Variants in GOLT1A observed in about 807,000 individuals in gnomAD.
GOLT1A encodes the protein vesicle transport protein GOT1A.
A neutral mutation model predicts 16.1 loss-of-function variants in GOLT1A; 10 were observed. The observed-to-expected ratio is 0.62, with a 90% CI of 0.38 to 1.05. GOLT1A has a LOEUF of 1.05. Ranked by LOEUF, GOLT1A falls within the 50% of genes least tolerant of loss-of-function variation. The pLI is 0.01. For missense variants in GOLT1A, 137 were observed against 165.7 expected (o/e 0.83, Z 0.95); for synonymous variants, 60 against 67.9 (o/e 0.88, Z 0.57).
At chr1:204,209,390 C>A (rs1004639968) in intron 1 of GOLT1A, among the ~76,000 whole-genome samples, 32 of 152,310 alleles carry the variant, frequency 2.1e-4, no homozygotes, top group African/African-American at 7.2e-4. Flanking sequence ...CTAGTGTGAA[C>A]ACCCTTCTCA....
rs557049527 is a variant in GOLT1A, at chr1:204,213,778, C to T, written c.25+104G>A. The T allele has an allele frequency of 3.0e-6, 4 of 1,342,412 alleles. No homozygotes were observed. In the South Asian group the frequency reaches 5.1e-5, roughly 17 times the overall value. 83.2% of individuals were successfully genotyped at this position (1,342,412 alleles called of 1,614,324 possible). A position where few individuals can be genotyped will look rare whatever the true frequency, so the allele number is the denominator to read the frequency against. On this transcript the variant is annotated intron_variant, in intron 1 of 4. Coordinates refer to ENST00000308302, the MANE Select transcript of GOLT1A (RefSeq NM_198447.2). ...CACAGCATCTCCCAGCCCCTGGCTC[C>T]AGAGGTCACGCTTGTAGTGACAGAG...
chr1:204,198,647 G>A, intron 4 of GOLT1A, 151 bp from the exon 5 acceptor site: 1 of 691,034 alleles, frequency 1.4e-6, no homozygotes, highest in Non-Finnish European at 2.5e-6. Context: ...CGGTTGTGGT[G>A]GGGTGCTGGC....
intron 1 of GOLT1A, among the ~76,000 whole-genome samples, chr1:204,211,719 C>A (rs1571679701): frequency 6.6e-6 from 1 of 152,152 alleles, no homozygotes. Context: ...TGATTCTCAA[C>A]TGGGCTGAGG....
chr1:204,198,607 A>G (rs1425909418), intron 4 of GOLT1A, 111 bp from the exon 5 acceptor site: 1 of 1,007,606 alleles, frequency 9.9e-7, no homozygotes, highest in Non-Finnish European at 1.5e-6. Flanking sequence ...CGCAGATACG[A>G]GAGGGGCTGT....
intron 3 of GOLT1A, among the ~76,000 whole-genome samples, chr1:204,201,206 G>A (rs144869652): frequency 6.6e-6 from 1 of 152,332 alleles, no homozygotes; most frequent in East Asian, 1.9e-4. Context: ...TGAGACTTTG[G>A]GCCGGGGGCA....
At position 204,202,918 on chromosome 1, in the gene GOLT1A, G is replaced by C. The variant is rs769532408; in HGVS notation, c.95C>G (p.Ser32Cys). Residue 32 changes from serine to cysteine, a missense_variant, in exon 2 of 5, where the codon TCC becomes TGC. Physicochemically the swap from Ser to Cys is moderately radical, Grantham distance 112. Transcript: ENST00000308302. ...ILFGTLLYFD[S>C]VLLAFGNLLF... is the part of the protein sequence containing the mutation. ...CACGTTTCCAAAGGCCAGGAGCACG[G>C]AATCAAAGTACAGGAGTGTTCCAAA... 2.5e-6 allele frequency: 4 copies of C among 1,614,078 alleles called. No homozygotes were observed. The South Asian group carries it at 4.4e-5, about 18-fold the overall frequency.
chr1:204,198,219 G>C lies in GOLT1A; in HGVS notation c.*239C>G. 1 of 527,266 alleles carries C rather than the reference G, an allele frequency of 1.9e-6. No homozygotes were observed. Among genetic ancestry groups the C allele is most frequent in the Non-Finnish European group, 3.3e-6 (1 of 299,030 alleles). 32.7% of individuals were successfully genotyped at this position (527,266 alleles called of 1,614,324 possible). Reference sequence around the variant, plus strand: ...TTTTCCTCCCATAAATATAGAGTGAGGGTGTGATACCAGCCCCAGCCCAGT... The same window carrying C: ...TTTTCCTCCCATAAATATAGAGTGACGGTGTGATACCAGCCCCAGCCCAGT... On this transcript the variant is annotated 3_prime_UTR_variant, in exon 5 of 5. Coordinates refer to ENST00000308302, the MANE Select transcript of GOLT1A (RefSeq NM_198447.2).
chr1:204,207,987 C>CA (rs1158642423), intron 1 of GOLT1A, among the ~76,000 whole-genome samples: 1 of 152,062 alleles, frequency 6.6e-6, no homozygotes, highest in Non-Finnish European at 1.5e-5. Flanking sequence ...TGGCCATAAT[C>CA]AAAAAACAAA....
At chr1:204,208,478 A>G (rs12755590) in intron 1 of GOLT1A, among the ~76,000 whole-genome samples, 18,406 of 46,932 alleles carry the variant, frequency 0.39, 2,706 homozygotes, top group East Asian at 0.54. Context: ...GTGTGTGTGT[A>G]TATATATATA....
At chr1:204,203,865 C>G (rs984655671) in intron 1 of GOLT1A, among the ~76,000 whole-genome samples, 1 of 152,062 alleles carries the variant, frequency 6.6e-6, no homozygotes. Context: ...TTGTAAGTGT[C>G]TCAGGGCATT....
chr1:204,205,901 C>T (rs1480089141), intron 1 of GOLT1A, among the ~76,000 whole-genome samples: 1 of 152,140 alleles, frequency 6.6e-6, no homozygotes, highest in Non-Finnish European at 1.5e-5. Context: ...GAAACCCCGT[C>T]TCTACTAAAA....
At chr1:204,203,911 G>A (rs930498310) in intron 1 of GOLT1A, among the ~76,000 whole-genome samples, 7 of 152,176 alleles carry the variant, frequency 4.6e-5, no homozygotes, top group Admixed American at 3.9e-4. Context: ...GAGCCAGCAA[G>A]CGTAGCCTAG....
intron 1 of GOLT1A, among the ~76,000 whole-genome samples, chr1:204,207,047 C>T (rs12092150): frequency 6.6e-6 from 1 of 152,234 alleles, no homozygotes; most frequent in Non-Finnish European, 1.5e-5. Flanking sequence ...GTTTCTCACA[C>T]ACAAGCTTCA....
chr1:204,208,460 T>TTGTGTGTG (rs1283981328), intron 1 of GOLT1A, among the ~76,000 whole-genome samples: 40 of 55,770 alleles, frequency 7.2e-4, no homozygotes, highest in African/African-American at 2.5e-3. Context: ...ATATGTATAC[T>TTGTGTGTG]TGTGTGTGTG....
chr1:204,201,345 C>G (rs1658953749), intron 3 of GOLT1A, among the ~76,000 whole-genome samples: 1 of 152,200 alleles, frequency 6.6e-6, no homozygotes, highest in African/African-American at 2.4e-5. Flanking sequence ...TCCTCTCCGG[C>G]TGGATCACTG....
At chr1:204,208,823 A>G (rs549398053) in intron 1 of GOLT1A, among the ~76,000 whole-genome samples, 1 of 152,106 alleles carries the variant, frequency 6.6e-6, no homozygotes, top group African/African-American at 2.4e-5. Context: ...CATGTAACCA[A>G]CCACCTGTTC....
intron 1 of GOLT1A, among the ~76,000 whole-genome samples, chr1:204,212,911 T>C (rs550725561): frequency 6.6e-6 from 1 of 152,158 alleles, no homozygotes; most frequent in Non-Finnish European, 1.5e-5. Flanking sequence ...ACACCAAGTA[T>C]GCTAATGCCT....
chr1:204,212,855 C>T (rs1008181248), intron 1 of GOLT1A, among the ~76,000 whole-genome samples: 3 of 152,142 alleles, frequency 2.0e-5, no homozygotes, highest in Non-Finnish European at 2.9e-5. Context: ...TCTCCCCTCA[C>T]CTCACTTTGC....
intron 3 of GOLT1A, among the ~76,000 whole-genome samples, chr1:204,200,615 A>C (rs1321035154): frequency 1.3e-5 from 2 of 152,046 alleles, no homozygotes; most frequent in Non-Finnish European, 2.9e-5. Flanking sequence ...GGTGTGAGCC[A>C]CTGCACCCAG....
Sources: gnomAD v4.1 joint callset for allele counts (sites outside exome capture counted in the v4.1 genomes callset) on GRCh38, gnomAD v4.1.1 for gene constraint, MANE v1.5 for transcripts, NCBI Gene and HGNC (gene_info 2026-07-23, HGNC 2026-07-21) for gene names.